The following CCDC30 variants were observed in gnomAD, a reference collection of about 807,000 sequenced individuals.
CCDC30 encodes the protein coiled-coil domain-containing protein 30.
A neutral mutation model predicts 100.2 loss-of-function variants in CCDC30; 70 were observed. The ratio of observed to expected loss-of-function variants is 0.70; its 90% CI spans 0.58 to 0.85. The LOEUF (loss-of-function observed/expected upper bound fraction) is 0.85, where lower values mean the gene tolerates loss of function less well. CCDC30 is among the 40% of genes least tolerant of loss of function. The pLI, the probability that CCDC30 is intolerant of heterozygous loss-of-function variation, is 0.00. For missense variants in CCDC30, 652 were observed against 771.2 expected (o/e 0.85, Z 1.83); for synonymous variants, 233 against 269.5 (o/e 0.86, Z 1.33).
At chr1:42,485,842 C>A (rs1021929821) in intron 3 of CCDC30, among the ~76,000 whole-genome samples, 3 of 152,016 alleles carry the variant, frequency 2.0e-5, no homozygotes, top group African/African-American at 7.3e-5. Flanking sequence ...TTACATTGTA[C>A]CCCATAAACA....
chr1:42,511,737 C>T (rs1166225992), intron 6 of CCDC30, among the ~76,000 whole-genome samples: 1 of 151,586 alleles, frequency 6.6e-6, no homozygotes, highest in African/African-American at 2.4e-5. Flanking sequence ...GGCAAAGGGA[C>T]GACATTGTGC....
At chr1:42,566,144 A>C in intron 6 of CCDC30, 152 bp from the exon 11 acceptor site, 1 of 596,320 alleles carries the variant, frequency 1.7e-6, no homozygotes, top group South Asian at 2.4e-5. Flanking sequence ...CCATAAATGT[A>C]AAAGAGTAGT....
chr1:42,634,641 T>C (rs1647113554), intron 11 of CCDC30, among the ~76,000 whole-genome samples: 1 of 152,258 alleles, frequency 6.6e-6, no homozygotes, highest in Admixed American at 6.5e-5. Context: ...TTAGATATTA[T>C]AGTAGCTTGA....
chr1:42,599,665 C>G (rs1646362936), intron 10 of CCDC30, among the ~76,000 whole-genome samples: 1 of 152,070 alleles, frequency 6.6e-6, no homozygotes, highest in African/African-American at 2.4e-5. Context: ...CTACAAGAAG[C>G]CCACTTTAAA....
upstream of CCDC30, among the ~76,000 whole-genome samples, chr1:42,462,701 A>G (rs1643443502): frequency 6.6e-6 from 1 of 152,198 alleles, no homozygotes; most frequent in Non-Finnish European, 1.5e-5. Context: ...GTCATTTATA[A>G]GTTTTTATTT....
At chr1:42,456,942 C>G in the CCDC30 span, 19 of 1,606,916 alleles carry the variant, frequency 1.2e-5, no homozygotes, top group Non-Finnish European at 1.6e-5. Flanking sequence ...AATGCACTTC[C>G]GGGTTTTGCT....
chr1:42,473,758 T>TAATTGCCAGAGAAC (rs1643840270), intron 1 of CCDC30, among the ~76,000 whole-genome samples: 1 of 152,200 alleles, frequency 6.6e-6, no homozygotes, highest in East Asian at 1.9e-4. Flanking sequence ...TAAACATGTA[T>TAATTGCCAGAGAAC]TTTTGGTGGC....
intron 11 of CCDC30, among the ~76,000 whole-genome samples, chr1:42,620,852 A>G (rs1570271157): frequency 6.6e-6 from 1 of 152,184 alleles, no homozygotes; most frequent in East Asian, 1.9e-4. Context: ...AGAGCACATC[A>G]TCCCTTCCCA....
At position 42,577,112 on chromosome 1, in the gene CCDC30, G is replaced by GA. The variant is rs747874408; in HGVS notation, c.733dup (p.Ile245AsnfsTer10). The GA allele has an allele frequency of 6.2e-7, 1 of 1,614,072 alleles. No homozygotes were observed. Among genetic ancestry groups the GA allele is most frequent in the Non-Finnish European group, 8.5e-7 (1 of 1,179,954 alleles). Reference sequence around the variant, plus strand: ...CGGCAGAGTACAAGCACTGTCAGCAGAAAATCAAGGAACTGGAGTTGGAAG... The same window carrying GA: ...CGGCAGAGTACAAGCACTGTCAGCAGAAAAATCAAGGAACTGGAGTTGGAAG... On this transcript the variant is annotated frameshift_variant, in exon 8 of 17. Coordinates refer to ENST00000668663, the Ensembl canonical transcript of CCDC30. LOFTEE classifies it high-confidence loss of function.
chr1:42,517,713 CAAAGA>C (rs1195493604), intron 6 of CCDC30, among the ~76,000 whole-genome samples: 1 of 152,092 alleles, frequency 6.6e-6, no homozygotes, highest in African/African-American at 2.4e-5. Flanking sequence ...AATCATTCAA[CAAAGA>C]AAAGCCCTAG....
At chr1:42,541,310 G>T (rs747064111) in intron 6 of CCDC30, among the ~76,000 whole-genome samples, 7 of 152,244 alleles carry the variant, frequency 4.6e-5, no homozygotes, top group Non-Finnish European at 7.3e-5. Flanking sequence ...CATGAGGGCT[G>T]CACCCTTGTG....
At chr1:42,641,494 T>G (rs971202402) in intron 12 of CCDC30, among the ~76,000 whole-genome samples, 10 of 151,224 alleles carry the variant, frequency 6.6e-5, no homozygotes, top group Non-Finnish European at 8.8e-5. Context: ...GAGGTTACAG[T>G]GAGCCATGAT....
At chr1:42,642,377 A>C in intron 12 of CCDC30, 96 bp from the exon 17 acceptor site, 1 of 1,146,922 alleles carries the variant, frequency 8.7e-7, no homozygotes, top group Non-Finnish European at 1.2e-6. Flanking sequence ...AAAGTAAATA[A>C]GGGAAAATTT....
At chr1:42,475,547 A>G (rs546606498) in intron 1 of CCDC30, among the ~76,000 whole-genome samples, 169 of 152,320 alleles carry the variant, frequency 1.1e-3, no homozygotes, top group African/African-American at 3.8e-3. Flanking sequence ...AGAAATTAAC[A>G]TATGACATTA....
At chr1:42,456,869 C>G in the CCDC30 span, 1 of 1,613,348 alleles carries the variant, frequency 6.2e-7, no homozygotes, top group Non-Finnish European at 8.5e-7. Flanking sequence ...CCAGACTTGG[C>G]TGTCCGCTCT....
chr1:42,481,160 A>G (rs1426486588), intron 2 of CCDC30, among the ~76,000 whole-genome samples: 1 of 152,152 alleles, frequency 6.6e-6, no homozygotes, highest in East Asian at 1.9e-4. Flanking sequence ...ATTATGCATA[A>G]AAGTATTTTG....
chr1:42,611,111 T>G, intron 11 of CCDC30, 21 bp downstream of exon 15: 26 of 1,413,630 alleles, frequency 1.8e-5, no homozygotes, highest in Non-Finnish European at 2.5e-5. Flanking sequence ...ACAAGTTCTC[T>G]TTGGAAGAAA....
At chr1:42,506,387 A>G (rs141384158) in intron 6 of CCDC30, among the ~76,000 whole-genome samples, 72 of 152,362 alleles carry the variant, frequency 4.7e-4, no homozygotes, top group Admixed American at 1.8e-3. Flanking sequence ...TTGAAAAGGA[A>G]CAAAGCAATA....
chr1:42,552,451 G>A (rs182370773), intron 6 of CCDC30, among the ~76,000 whole-genome samples: 1 of 152,162 alleles, frequency 6.6e-6, no homozygotes, highest in East Asian at 1.9e-4. Flanking sequence ...ATTTACAGAA[G>A]GAAATTAAAT....
Sources: allele counts gnomAD v4.1 joint callset (sites outside exome capture counted in the v4.1 genomes callset), GRCh38; gene constraint gnomAD v4.1.1; transcripts MANE v1.5; gene names NCBI Gene and HGNC (gene_info 2026-07-23, HGNC 2026-07-21).